RBFOX1: variants seen among roughly 807,000 people sequenced by gnomAD.
RBFOX1 encodes RNA binding fox-1 homolog 1, also known as RNA binding protein fox-1 homolog 1.
Under a neutral mutation model 57.7 loss-of-function variants are expected in RBFOX1, and 8 were observed. The observed-to-expected ratio is 0.14, with a 90% CI of 0.08 to 0.25. The LOEUF (loss-of-function observed/expected upper bound fraction) is 0.25. Among genes scored for constraint, RBFOX1 ranks in the 10% least tolerant of loss-of-function variants. The pLI is 1.00. For missense variants in RBFOX1, 611 were observed against 548.5 expected (o/e 1.11, Z -1.14); for synonymous variants, 326 against 222.4 (o/e 1.47, Z -4.15).
At chr16:5,454,874 C>CT (rs1555524148) in intron 1 of RBFOX1, among the ~76,000 whole-genome samples, 29 of 71,940 alleles carry the variant, frequency 4.0e-4, no homozygotes, top group Middle Eastern at 5.4e-3. Flanking sequence ...TTCTTTCTTT[C>CT]TTTCTTTCTT....
chr16:7,321,736 G>T (rs1196259932), intron 4 of RBFOX1, among the ~76,000 whole-genome samples: 2 of 152,206 alleles, frequency 1.3e-5, no homozygotes, highest in African/African-American at 4.8e-5. Context: ...AAAATAGATT[G>T]TCATGTAAGA....
chr16:5,655,061 C>T (rs77780027), intron 3 of RBFOX1, among the ~76,000 whole-genome samples: 15,132 of 152,186 alleles, frequency 0.099, 1,270 homozygotes, highest in East Asian at 0.39. Flanking sequence ...CACACTAGGG[C>T]GCATCTGTCT....
At chr16:7,417,175 T>A (rs1597914053) in intron 4 of RBFOX1, among the ~76,000 whole-genome samples, 2 of 151,674 alleles carry the variant, frequency 1.3e-5, no homozygotes, top group African/African-American at 4.8e-5. Context: ...TTTGAGACCA[T>A]CCTGGCCAAC....
At chr16:6,732,334 C>G (rs1285648279) in intron 3 of RBFOX1, among the ~76,000 whole-genome samples, 1 of 152,176 alleles carries the variant, frequency 6.6e-6, no homozygotes, top group Admixed American at 6.5e-5. Flanking sequence ...TTCAGATTCT[C>G]ACGAGAGAGT....
intron 4 of RBFOX1, among the ~76,000 whole-genome samples, chr16:7,148,257 G>T (rs1486570057): frequency 1.3e-5 from 2 of 152,206 alleles, no homozygotes; most frequent in African/African-American, 4.8e-5. Context: ...AAGTTTAAAG[G>T]CACACTCTGG....
At chr16:7,569,767 C>T (rs1486753140) in intron 5 of RBFOX1, among the ~76,000 whole-genome samples, 1 of 152,056 alleles carries the variant, frequency 6.6e-6, no homozygotes, top group African/African-American at 2.4e-5. Flanking sequence ...ATTTTGGAGA[C>T]CAAGGCAGAA....
At chr16:7,428,250 A>G (rs1348696034) in intron 4 of RBFOX1, among the ~76,000 whole-genome samples, 4 of 151,164 alleles carry the variant, frequency 2.6e-5, no homozygotes, top group Non-Finnish European at 1.5e-5. Flanking sequence ...CTATTGGCAT[A>G]TCGTCACTGC....
intron 4 of RBFOX1, among the ~76,000 whole-genome samples, chr16:7,089,910 A>G (rs116011447): frequency 0.27 from 18,559 of 67,530 alleles, 1,446 homozygotes; most frequent in East Asian, 0.35. Context: ...TTTTTTCTGC[A>G]TTCAAAAAAA....
intron 3 of RBFOX1, among the ~76,000 whole-genome samples, chr16:6,966,524 G>T (rs2084204010): frequency 6.6e-6 from 1 of 152,118 alleles, no homozygotes; most frequent in African/African-American, 2.4e-5. Flanking sequence ...GACGGGGGAA[G>T]ACTGAGAGAG....
chr16:5,279,614 G>T (rs773112157), intron 1 of RBFOX1, among the ~76,000 whole-genome samples: 1 of 145,122 alleles, frequency 6.9e-6, no homozygotes, highest in Non-Finnish European at 1.5e-5. Context: ...CGATTCTCCT[G>T]CTTCAGCCTC....
At chr16:7,530,731 T>C (rs1472342568) in intron 5 of RBFOX1, among the ~76,000 whole-genome samples, 1 of 152,200 alleles carries the variant, frequency 6.6e-6, no homozygotes, top group African/African-American at 2.4e-5. Flanking sequence ...GATGTAGAGC[T>C]AGGTCCAAGT....
chr16:5,272,549 G>A (rs2063039606), intron 1 of RBFOX1, among the ~76,000 whole-genome samples: 1 of 152,184 alleles, frequency 6.6e-6, no homozygotes, highest in South Asian at 2.1e-4. Context: ...GGGCCGACAA[G>A]TTCATGACTG....
chr16:6,575,951 G>A (rs1404734817), intron 2 of RBFOX1, among the ~76,000 whole-genome samples: 2 of 151,864 alleles, frequency 1.3e-5, no homozygotes, highest in Non-Finnish European at 2.9e-5. Context: ...ATCAGTGATG[G>A]TGGTGGTAGG....
At chr16:5,682,978 A>G (rs1350249167) in intron 3 of RBFOX1, among the ~76,000 whole-genome samples, 2 of 152,222 alleles carry the variant, frequency 1.3e-5, no homozygotes, top group Non-Finnish European at 1.5e-5. Flanking sequence ...CTTCAGGACA[A>G]TTCTTTAACC....
chr16:6,888,522 G>C (rs745487672), intron 3 of RBFOX1, among the ~76,000 whole-genome samples: 1 of 152,094 alleles, frequency 6.6e-6, no homozygotes. Context: ...TGTCTACCGA[G>C]AAATTTTATC....
chr16:6,525,346 G>T (rs1301487175), intron 2 of RBFOX1, among the ~76,000 whole-genome samples: 2 of 152,146 alleles, frequency 1.3e-5, no homozygotes, highest in African/African-American at 2.4e-5. Flanking sequence ...AATTTGGGCT[G>T]GTGTAGTTGA....
At chr16:5,728,693 C>G (rs1052038377) in intron 3 of RBFOX1, among the ~76,000 whole-genome samples, 1 of 152,134 alleles carries the variant, frequency 6.6e-6, no homozygotes, top group African/African-American at 2.4e-5. Context: ...GTCTGGCCGC[C>G]CCTCCCCTCT....
At chr16:5,550,977 A>G (rs1315403045) in intron 2 of RBFOX1, among the ~76,000 whole-genome samples, 1 of 152,172 alleles carries the variant, frequency 6.6e-6, no homozygotes, top group Non-Finnish European at 1.5e-5. Context: ...AGAAGGATCC[A>G]ACTGTCTTAT....
chr16:7,459,502 T>C (rs1311047392), intron 4 of RBFOX1, among the ~76,000 whole-genome samples: 1 of 152,218 alleles, frequency 6.6e-6, no homozygotes, highest in East Asian at 1.9e-4. Flanking sequence ...TATTGTACAT[T>C]TCCTGTTGCC....
Sources: allele counts gnomAD v4.1 joint callset (sites outside exome capture counted in the v4.1 genomes callset), GRCh38; gene constraint gnomAD v4.1.1; transcripts MANE v1.5; gene names NCBI Gene and HGNC (gene_info 2026-07-23, HGNC 2026-07-21).